RPS6KC1: variants seen among roughly 807,000 people sequenced by gnomAD.
RPS6KC1 encodes the protein inactive ribosomal protein S6 kinase delta-1.
In RPS6KC1, 54 loss-of-function variants were observed where a neutral mutation model predicts 103.8. The ratio of observed to expected loss-of-function variants is 0.52; its 90% CI spans 0.42 to 0.65. The LOEUF is 0.65. Among genes scored for constraint, RPS6KC1 ranks in the 30% least tolerant of loss-of-function variants. The pLI, the probability that RPS6KC1 is intolerant of heterozygous loss-of-function variation, is 0.00. For missense variants in RPS6KC1, 1,151 were observed against 1,253.8 expected (o/e 0.92, Z 1.24); for synonymous variants, 439 against 438.7 (o/e 1.00, Z -0.01).
the RPS6KC1 span, among the ~76,000 whole-genome samples, chr1:213,433,159 G>A: frequency 2.6e-5 from 4 of 152,136 alleles, no homozygotes; most frequent in South Asian, 6.2e-4. Flanking sequence ...GGTTAACCAC[G>A]TTCCTAGCTC....
the RPS6KC1 span, among the ~76,000 whole-genome samples, chr1:213,580,892 C>T: frequency 2.0e-5 from 3 of 151,680 alleles, no homozygotes; most frequent in Non-Finnish European, 2.9e-5. Flanking sequence ...GACTGGAAAC[C>T]GAAAAAAATT....
At chr1:213,477,614 G>GA in the RPS6KC1 span, among the ~76,000 whole-genome samples, 2 of 151,954 alleles carry the variant, frequency 1.3e-5, no homozygotes, top group African/African-American at 4.8e-5. Flanking sequence ...CATTTTATAT[G>GA]AAAGTGAAAA....
At position 213,207,912 on chromosome 1, in the gene RPS6KC1, A is replaced by G. The variant is rs995630193; in HGVS notation, c.1045-22585A>G. On this transcript the variant is annotated intron_variant, in intron 8 of 14. Transcript: ENST00000366960. Reference sequence around the variant, plus strand: ...GGTCTTGAACGCCATACGTCAAGTGATCTGCCTGCCTCAGCCTCCCAAAGT... The same window carrying G: ...GGTCTTGAACGCCATACGTCAAGTGGTCTGCCTGCCTCAGCCTCCCAAAGT... Among the ~76,000 whole-genome samples the G allele has an allele frequency of 5.3e-5, 8 of 152,152 alleles. No individual in the cohort carries two copies. In the South Asian group the frequency reaches 1.2e-3, roughly 24 times the overall value.
At chr1:213,259,293 C>G (rs554665017) in intron 12 of RPS6KC1, among the ~76,000 whole-genome samples, 238 of 152,358 alleles carry the variant, frequency 1.6e-3, no homozygotes, top group African/African-American at 5.6e-3. Context: ...GGTGCGGTGG[C>G]TCATGCCTGT....
chr1:213,534,404 C>T, the RPS6KC1 span, among the ~76,000 whole-genome samples: 40 of 152,304 alleles, frequency 2.6e-4, no homozygotes, highest in African/African-American at 8.9e-4. Context: ...TTACAACACC[C>T]GCTTGGTGTT....
chr1:213,628,048 G>T, the RPS6KC1 span, among the ~76,000 whole-genome samples: 1 of 152,234 alleles, frequency 6.6e-6, no homozygotes, highest in South Asian at 2.1e-4. Context: ...GAATCCATCT[G>T]GTCCTGGACT....
At chr1:213,112,694 C>G (rs1389686262) in intron 4 of RPS6KC1, among the ~76,000 whole-genome samples, 1 of 151,964 alleles carries the variant, frequency 6.6e-6, no homozygotes, top group Non-Finnish European at 1.5e-5. Context: ...AGGTATATCT[C>G]CCAATGCTAT....
the RPS6KC1 span, among the ~76,000 whole-genome samples, chr1:213,429,350 T>G: frequency 6.6e-6 from 1 of 152,102 alleles, no homozygotes; most frequent in Non-Finnish European, 1.5e-5. Flanking sequence ...GATGGAGTTT[T>G]GCCATATTTC....
the RPS6KC1 span, among the ~76,000 whole-genome samples, chr1:213,400,279 A>C: frequency 7.2e-5 from 11 of 152,194 alleles, no homozygotes; most frequent in African/African-American, 2.7e-4. Flanking sequence ...CCACGAAACC[A>C]CATTTATTGA....
chr1:213,482,950 C>G, the RPS6KC1 span, among the ~76,000 whole-genome samples: 1 of 151,998 alleles, frequency 6.6e-6, no homozygotes, highest in Non-Finnish European at 1.5e-5. Flanking sequence ...ATTTTCCTAA[C>G]TTTTGTTGGA....
the RPS6KC1 span, among the ~76,000 whole-genome samples, chr1:213,559,529 C>T: frequency 1.3e-5 from 2 of 152,136 alleles, no homozygotes; most frequent in Admixed American, 6.5e-5. Flanking sequence ...CTATAAGACA[C>T]ATGCCTCACC....
intron 8 of RPS6KC1, among the ~76,000 whole-genome samples, chr1:213,210,157 C>T (rs775814101): frequency 2.0e-5 from 3 of 152,130 alleles, no homozygotes; most frequent in Non-Finnish European, 4.4e-5. Flanking sequence ...CCTGAGAATG[C>T]AGCCCAGCAG....
chr1:213,803,493 C>T, the RPS6KC1 span, among the ~76,000 whole-genome samples: 293 of 152,164 alleles, frequency 1.9e-3, no homozygotes, highest in African/African-American at 6.0e-3. Flanking sequence ...GTGATCCGCC[C>T]GCCTCGGCCT....
the RPS6KC1 span, among the ~76,000 whole-genome samples, chr1:213,328,553 G>A: frequency 1.1e-4 from 12 of 111,946 alleles, no homozygotes; most frequent in East Asian, 2.1e-3. Context: ...ACACACACAC[G>A]TGCACAAAGT....
At chr1:213,413,260 A>T in the RPS6KC1 span, among the ~76,000 whole-genome samples, 2 of 152,256 alleles carry the variant, frequency 1.3e-5, no homozygotes, top group African/African-American at 4.8e-5. Flanking sequence ...ATTTCCTTGT[A>T]TTAGGAACAT....
At chr1:213,677,465 A>G in the RPS6KC1 span, among the ~76,000 whole-genome samples, 1 of 152,218 alleles carries the variant, frequency 6.6e-6, no homozygotes, top group Non-Finnish European at 1.5e-5. Context: ...TATTAGCATC[A>G]TCTGGGGATC....
At chr1:213,333,839 G>A in the RPS6KC1 span, among the ~76,000 whole-genome samples, 4 of 151,982 alleles carry the variant, frequency 2.6e-5, no homozygotes, top group Admixed American at 1.3e-4. Context: ...CCACCACCAC[G>A]CCTGGCTAAT....
At chr1:213,710,519 A>C in the RPS6KC1 span, among the ~76,000 whole-genome samples, 1 of 152,232 alleles carries the variant, frequency 6.6e-6, no homozygotes, top group East Asian at 1.9e-4. Flanking sequence ...TTTGCATTTA[A>C]GGTTAATATT....
the RPS6KC1 span, among the ~76,000 whole-genome samples, chr1:213,432,141 G>A: frequency 1.3e-5 from 2 of 152,124 alleles, no homozygotes; most frequent in African/African-American, 4.8e-5. Flanking sequence ...TTGATTTGTT[G>A]TTCTTTATGT....
Sources: allele counts gnomAD v4.1 joint callset (sites outside exome capture counted in the v4.1 genomes callset), GRCh38; gene constraint gnomAD v4.1.1; transcripts MANE v1.5; gene names NCBI Gene and HGNC (gene_info 2026-07-23, HGNC 2026-07-21).